The following MCCC2 variants were observed in gnomAD, a reference collection of about 807,000 sequenced individuals.
MCCC2 encodes methylcrotonyl-CoA carboxylase subunit 2, also known as methylcrotonoyl-CoA carboxylase beta chain, mitochondrial.
Under a neutral mutation model 77.2 loss-of-function variants are expected in MCCC2, and 52 were observed. The ratio of observed to expected loss-of-function variants is 0.67; its 90% CI spans 0.54 to 0.85. The LOEUF is 0.85. MCCC2 is among the 40% of genes least tolerant of loss of function. MCCC2 has a pLI of 0.00. For synonymous variants in MCCC2, 253 were observed against 248.4 expected (o/e 1.02, Z -0.18); for missense variants, 682 against 703.2 (o/e 0.97, Z 0.34).
rs180776245 is a variant in MCCC2 at position 71,610,584 on chromosome 5, G to C, written c.624+6116G>C. ...GAGCTGTTCCTATTCGGCCATCTTG[G>C]CTCCTCCCCAAAATCTAATCTTTTT... On this transcript the variant is annotated intron_variant, in intron 6 of 16. Transcript: ENST00000340941. Among the ~76,000 whole-genome samples the C allele has an allele frequency of 4.6e-5, 7 of 152,274 alleles. No individual in the cohort carries two copies. The East Asian group carries it at 1.2e-3, about 25-fold the overall frequency.
rs752593298 is a variant in MCCC2, at chr5:71,592,977, G to T, written c.181G>T (p.Glu61Ter). 3.1e-6 allele frequency: 5 copies of T among 1,613,266 alleles called. No homozygotes were observed. The African/African-American group carries it at 6.7e-5, about 22-fold the overall frequency. Residue 61 changes from glutamate to a stop codon, truncating the protein, a stop_gained, in exon 2 of 17, where the codon GAG (glutamate) becomes TAG (stop). Transcript: ENST00000340941. LOFTEE classifies it high-confidence loss of function. ...AGTAAATCAGCTCCATGAACGAGTG[G>T]AGCATATAAAACTAGGTAAACACAG... ...ALVNQLHERV[E>*]HIKLGGGEKA...
At chr5:71,626,445 C>A (rs1232588735) in intron 6 of MCCC2, among the ~76,000 whole-genome samples, 195 bp from the exon 7 acceptor site, 3 of 152,092 alleles carry the variant, frequency 2.0e-5, no homozygotes, top group African/African-American at 7.2e-5. Flanking sequence ...AGACATAAGC[C>A]CTTCAAAATG....
chr5:71,603,277 G>A (rs560694259), intron 5 of MCCC2, among the ~76,000 whole-genome samples: 4 of 152,048 alleles, frequency 2.6e-5, no homozygotes, highest in Admixed American at 1.3e-4. Flanking sequence ...TTAGCCGAGC[G>A]TGGTGGCAGG....
chr5:71,656,044 G>T (rs1160275133), intron 16 of MCCC2, among the ~76,000 whole-genome samples: 1 of 152,074 alleles, frequency 6.6e-6, no homozygotes, highest in Non-Finnish European at 1.5e-5. Flanking sequence ...GCGAAACCCC[G>T]TCTCTTCTAC....
rs1744811701 is a variant in MCCC2, at chr5:71,587,546, C to T, written c.121C>T (p.Leu41Phe). 2.6e-6 allele frequency: 4 copies of T among 1,537,648 alleles called. No homozygotes were observed. The highest frequency in any genetic ancestry group is 3.5e-6 in the Non-Finnish European group (4 of 1,146,050). ...CACCCAGCCGGACTTGGGCTCTGCC[C>T]TCTACCAGGTAGGCTGAGCGCCCCG... The part of the protein sequence containing the change: ...LGTQPDLGSA[L>F]YQENYKQMKA... Residue 41 changes from leucine (L) to phenylalanine (F), a missense_variant, in exon 1 of 17, where the codon CTC becomes TTC. Leu to Phe is a conservative substitution (Grantham distance 22, BLOSUM62 0). Coordinates refer to ENST00000340941, the MANE Select transcript of MCCC2 (RefSeq NM_022132.5).
intron 6 of MCCC2, among the ~76,000 whole-genome samples, chr5:71,605,899 A>G (rs953827281): frequency 1.3e-5 from 2 of 152,048 alleles, no homozygotes; most frequent in Non-Finnish European, 2.9e-5. Context: ...ATGCGGCGTT[A>G]TTTCTGAGGG....
intron 3 of MCCC2, among the ~76,000 whole-genome samples, chr5:71,597,397 T>C (rs774333954): frequency 3.3e-5 from 5 of 152,150 alleles, no homozygotes; most frequent in Non-Finnish European, 7.3e-5. Context: ...ATGATTATGA[T>C]CTGACATAGC....
intron 2 of MCCC2, 88 bp from the exon 3 acceptor site, chr5:71,596,192 A>C: frequency 8.8e-7 from 1 of 1,131,346 alleles, no homozygotes; most frequent in Non-Finnish European, 1.3e-6. Context: ...AAAAAGTGCT[A>C]TATTTTGGAT....
rs745918337 is a variant in MCCC2 at position 71,656,716 on chromosome 5, A to G, written c.1575-27A>G. ...TAAATGGTAGTTTGGTGGTAAATTCATAACTCTTTTTTTGTTCTTTTGTCA... is the reference window on the plus strand; with the variant it reads ...TAAATGGTAGTTTGGTGGTAAATTCGTAACTCTTTTTTTGTTCTTTTGTCA... On this transcript the variant is annotated intron_variant, in intron 16 of 16. Coordinates refer to ENST00000340941, the MANE Select transcript of MCCC2 (RefSeq NM_022132.5). 9 of 1,573,918 alleles carry G rather than the reference A, an allele frequency of 5.7e-6. No individual in the cohort carries two copies. In the East Asian group the frequency reaches 1.1e-4, roughly 20 times the overall value.
At chr5:71,633,173 A>C (rs575983535) in intron 8 of MCCC2, among the ~76,000 whole-genome samples, 11 of 138,448 alleles carry the variant, frequency 7.9e-5, no homozygotes, top group Non-Finnish European at 1.5e-4. Flanking sequence ...TGTATTGCTC[A>C]GGTTGGTTTA....
chr5:71,638,876 C>T (rs1338485555), intron 10 of MCCC2, among the ~76,000 whole-genome samples: 2 of 152,154 alleles, frequency 1.3e-5, no homozygotes, highest in Non-Finnish European at 2.9e-5. Flanking sequence ...CTCCTTGCTC[C>T]GTGGGCTACA....
chr5:71,633,032 A>G (rs1200174004), intron 8 of MCCC2, among the ~76,000 whole-genome samples: 1 of 135,526 alleles, frequency 7.4e-6, no homozygotes, highest in Non-Finnish European at 1.6e-5. Context: ...AAGGTTTTAG[A>G]CTTTTTTTTT....
chr5:71,593,063 A>ACAGCTTATGCCTTTACTTAAGATGTCCT, intron 2 of MCCC2, 71 bp downstream of exon 2: 3 of 1,291,342 alleles, frequency 2.3e-6, no homozygotes, highest in Non-Finnish European at 3.4e-6. Context: ...TGCTTTTAGG[A>ACAGCTTATGCCTTTACTTAAGATGTCCT]AAAATACTGG....
chr5:71,603,415 CAAAA>C (rs10538231), intron 5 of MCCC2, among the ~76,000 whole-genome samples: 7 of 74,220 alleles, frequency 9.4e-5, no homozygotes, highest in Admixed American at 1.7e-4. Flanking sequence ...GAGACTGTCT[CAAAA>C]AAAAAAAAAA....
intron 1 of MCCC2, among the ~76,000 whole-genome samples, chr5:71,592,129 C>T (rs1037130966): frequency 2.6e-5 from 4 of 152,002 alleles, no homozygotes; most frequent in South Asian, 4.2e-4. Context: ...GCCTGTAATC[C>T]CAGCACTTTG....
intron 6 of MCCC2, among the ~76,000 whole-genome samples, chr5:71,610,311 G>T (rs1745880412): frequency 6.6e-6 from 1 of 152,202 alleles, no homozygotes; most frequent in Non-Finnish European, 1.5e-5. Flanking sequence ...GCAATATTCG[G>T]GTGGGAGTGA....
chr5:71,649,558 C>T (rs977076309), intron 14 of MCCC2, among the ~76,000 whole-genome samples: 4 of 152,108 alleles, frequency 2.6e-5, no homozygotes, highest in Non-Finnish European at 5.9e-5. Flanking sequence ...AAGGCATATA[C>T]GGGAAAAGAA....
chr5:71,633,119 A>ATTTTTTTTTT, intron 8 of MCCC2, among the ~76,000 whole-genome samples: 1 of 28,712 alleles, frequency 3.5e-5, no homozygotes, highest in African/African-American at 9.1e-5. Flanking sequence ...ATATATATAT[A>ATTTTTTTTTT]TATATATATA....
intron 6 of MCCC2, among the ~76,000 whole-genome samples, chr5:71,614,910 T>C (rs1292329395): frequency 6.6e-6 from 1 of 152,214 alleles, no homozygotes; most frequent in Non-Finnish European, 1.5e-5. Context: ...TGCCAAAAGA[T>C]AAAGACCTTT....
Sources: allele counts gnomAD v4.1 joint callset (sites outside exome capture counted in the v4.1 genomes callset), GRCh38; gene constraint gnomAD v4.1.1; transcripts MANE v1.5; gene names NCBI Gene and HGNC (gene_info 2026-07-23, HGNC 2026-07-21).